NCOA2: variants seen among roughly 807,000 people sequenced by gnomAD.
NCOA2 encodes the protein class E basic helix-loop-helix protein 75.
In NCOA2, 21 loss-of-function variants were observed where a neutral mutation model predicts 145.1. The ratio of observed to expected loss-of-function variants is 0.14; its 90% CI spans 0.10 to 0.21. The LOEUF is 0.21. NCOA2 is among the 10% of genes least tolerant of loss of function. The probability of loss-of-function intolerance (pLI) is 1.00; values close to 1 mark genes in which losing one functional copy is unlikely to be tolerated. For missense variants in NCOA2, 1,472 were observed against 1,837.6 expected, an observed-to-expected ratio of 0.80 and a Z score of 3.64; for synonymous variants, 619 against 637.5, an observed-to-expected ratio of 0.97 and a Z score of 0.44.
chr8:70,280,411 T>G (rs933234154), intron 2 of NCOA2, among the ~76,000 whole-genome samples: 1 of 152,154 alleles, frequency 6.6e-6, no homozygotes, highest in Non-Finnish European at 1.5e-5. Flanking sequence ...GTAAGATAAA[T>G]CAAAATTCAT....
intron 20 of NCOA2, 127 bp downstream of exon 20, chr8:70,124,561 G>C: frequency 1.0e-6 from 1 of 961,114 alleles, no homozygotes; most frequent in Non-Finnish European, 1.5e-6. Context: ...CGGTGACCTA[G>C]AAGCCATCCT....
chr8:70,414,361 T>C, the NCOA2 span, among the ~76,000 whole-genome samples: 3 of 152,166 alleles, frequency 2.0e-5, no homozygotes, highest in African/African-American at 4.8e-5. Context: ...CCCTTTTTAA[T>C]AGTGGTTTCA....
At chr8:70,127,217 A>G (rs937559267) in intron 18 of NCOA2, among the ~76,000 whole-genome samples, 170 bp from the exon 19 acceptor site, 1 of 152,234 alleles carries the variant, frequency 6.6e-6, no homozygotes, top group African/African-American at 2.4e-5. Flanking sequence ...GATTGAGAAC[A>G]TGAGCTTCTA....
At chr8:70,216,532 T>C in intron 3 of NCOA2, 128 bp downstream of exon 3, 1 of 726,974 alleles carries the variant, frequency 1.4e-6, no homozygotes, top group Non-Finnish European at 2.5e-6. Context: ...TATTCAGAGA[T>C]TTAACTGTTA....
chr8:70,239,734 G>A (rs755050308), intron 2 of NCOA2, among the ~76,000 whole-genome samples: 1 of 152,132 alleles, frequency 6.6e-6, no homozygotes, highest in Non-Finnish European at 1.5e-5. Flanking sequence ...CAGTCTTTGG[G>A]ATAATTAAGA....
At chr8:70,433,253 A>G in the NCOA2 span, among the ~76,000 whole-genome samples, 1 of 152,110 alleles carries the variant, frequency 6.6e-6, no homozygotes, top group South Asian at 2.1e-4. Context: ...TTGTCAAAAT[A>G]TATTTATTGA....
intron 1 of NCOA2, among the ~76,000 whole-genome samples, chr8:70,386,982 C>T (rs540962866): frequency 6.6e-6 from 1 of 152,124 alleles, no homozygotes; most frequent in Non-Finnish European, 1.5e-5. Context: ...ATGATCATGG[C>T]TTACTGCAAG....
intron 6 of NCOA2, among the ~76,000 whole-genome samples, chr8:70,167,274 G>T (rs1216027950): frequency 6.6e-6 from 1 of 152,180 alleles, no homozygotes; most frequent in Non-Finnish European, 1.5e-5. Flanking sequence ...GGAGGATGAA[G>T]TCCATTAACA....
intron 4 of NCOA2, among the ~76,000 whole-genome samples, chr8:70,194,350 G>T (rs1327469502): frequency 6.6e-6 from 1 of 152,106 alleles, no homozygotes; most frequent in Non-Finnish European, 1.5e-5. Context: ...CTTCATTTTT[G>T]ATCAATGATG....
chr8:70,295,707 C>G (rs1827038867), intron 2 of NCOA2, among the ~76,000 whole-genome samples: 1 of 151,998 alleles, frequency 6.6e-6, no homozygotes, highest in Non-Finnish European at 1.5e-5. Flanking sequence ...TTTGGGAGGC[C>G]GAGGCAGGCA....
chr8:70,246,905 C>T (rs1420265579), intron 2 of NCOA2, among the ~76,000 whole-genome samples: 5 of 152,252 alleles, frequency 3.3e-5, no homozygotes, highest in East Asian at 3.9e-4. Context: ...ACATAAACTG[C>T]ATTATTCATA....
In NCOA2 at chr8:70,156,495, C is replaced by T. The variant is rs1812307693; in HGVS notation, c.1870G>A (p.Glu624Lys). 1 of 1,613,778 alleles carries T rather than the reference C, an allele frequency of 6.2e-7. No homozygotes were observed. The highest frequency in any genetic ancestry group is 8.5e-7 in the Non-Finnish European group (1 of 1,179,892). ...DPNLPPAVSS[E>K]RADGQSRLHD... ...AGTCTGCTCTGCCCGTCAGCTCTCT[C>T]ACTGCTCACGGCCGGGGGCAGGTTG... The change falls in exon 11 of 23, where the codon GAG (glutamate) becomes AAG (lysine). Residue 624 changes from glutamate (E) to lysine (K), a missense_variant. Glu to Lys is a moderately conservative substitution (Grantham distance 56). Around this residue, in one of 4 missense-constraint regions of NCOA2, gnomAD observed 953 missense variants for 1,062.1 expected, o/e 0.90. Transcript: ENST00000452400.
intron 1 of NCOA2, among the ~76,000 whole-genome samples, chr8:70,303,793 G>A (rs750630243): frequency 2.0e-5 from 3 of 151,896 alleles, no homozygotes; most frequent in Non-Finnish European, 4.4e-5. Context: ...GAATTACGGC[G>A]GAGGGGGAAG....
chr8:70,374,900 C>T (rs2131316952), intron 1 of NCOA2, among the ~76,000 whole-genome samples: 1 of 151,436 alleles, frequency 6.6e-6, no homozygotes, highest in Non-Finnish European at 1.5e-5. Flanking sequence ...TTCCTTTTTA[C>T]TTATCTATAT....
chr8:70,146,082 T>C (rs1173233132), intron 12 of NCOA2, among the ~76,000 whole-genome samples: 1 of 152,218 alleles, frequency 6.6e-6, no homozygotes, highest in Non-Finnish European at 1.5e-5. Flanking sequence ...ACATACATGG[T>C]TTGGATATTA....
chr8:70,321,320 C>G (rs1427016188), intron 1 of NCOA2, among the ~76,000 whole-genome samples: 3 of 151,438 alleles, frequency 2.0e-5, no homozygotes, highest in African/African-American at 4.9e-5. Context: ...TAAAATATAA[C>G]ATCACTTTGT....
At chr8:70,428,700 T>C in the NCOA2 span, among the ~76,000 whole-genome samples, 1 of 152,224 alleles carries the variant, frequency 6.6e-6, no homozygotes, top group Non-Finnish European at 1.5e-5. Flanking sequence ...TTGCAATCTT[T>C]AATTTCCAGC....
In NCOA2 at chr8:70,157,040, C is replaced by T. The variant is rs1169929861; in HGVS notation, c.1325G>A (p.Gly442Asp). ...EQMGMPMGRF[G>D]GSGGMNHVSG... ...CACATGGTTCATTCCCCCAGAACCA[C>T]CAAACCTGCCCATGGGCATGCCCAT... Residue 442 changes from glycine (G) to aspartate (D), a missense_variant, in exon 11 of 23, where the codon GGT (glycine) becomes GAT (aspartate). Physicochemically the swap from Gly to Asp is moderately conservative, Grantham distance 94. Coordinates refer to ENST00000452400, the MANE Select transcript of NCOA2 (RefSeq NM_006540.4). The T allele has an allele frequency of 2.5e-6, 4 of 1,613,910 alleles. No individual in the cohort carries two copies. The highest frequency in any genetic ancestry group is 1.7e-5 in the Admixed American group (1 of 60,008).
intron 1 of NCOA2, among the ~76,000 whole-genome samples, chr8:70,317,252 G>C (rs1256314129): frequency 6.6e-6 from 1 of 152,140 alleles, no homozygotes; most frequent in Non-Finnish European, 1.5e-5. Context: ...AGTCAGTCAA[G>C]GGGATCCCAG....
Sources: gnomAD v4.1 joint callset for allele counts (sites outside exome capture counted in the v4.1 genomes callset) on GRCh38, gnomAD v4.1.1 for gene constraint, gnomAD v4.1.1 regional missense constraint, MANE v1.5 for transcripts, NCBI Gene and HGNC (gene_info 2026-07-23, HGNC 2026-07-21) for gene names.